Variants in ZC3H15 observed in about 807,000 individuals in gnomAD.
ZC3H15 encodes zinc finger CCCH domain-containing protein 15.
A neutral mutation model predicts 51.2 loss-of-function variants in ZC3H15; 15 were observed. The ratio of observed to expected loss-of-function variants is 0.29; its 90% CI spans 0.20 to 0.45. The LOEUF is 0.45. Among genes scored for constraint, ZC3H15 ranks in the 20% least tolerant of loss-of-function variants. ZC3H15 has a pLI of 1.00. For synonymous variants in ZC3H15, 144 were observed against 162.8 expected, an observed-to-expected ratio of 0.88 and a Z score of 0.88; for missense variants, 381 against 494.7, an observed-to-expected ratio of 0.77 and a Z score of 2.18.
chr2:186,496,330 G>A (rs575628499), intron 2 of ZC3H15, among the ~76,000 whole-genome samples: 10 of 152,124 alleles, frequency 6.6e-5, no homozygotes, highest in Non-Finnish European at 1.0e-4. Flanking sequence ...CCATCCACCT[G>A]CCTCATCCTC....
At chr2:186,505,676 T>A in intron 7 of ZC3H15, 64 bp from the exon 8 acceptor site, 2 of 1,604,944 alleles carry the variant, frequency 1.2e-6, no homozygotes, top group Non-Finnish European at 1.7e-6. Context: ...TTGTTTCTAT[T>A]TCATCAGTGA....
rs112632752 is a variant in ZC3H15 at position 186,486,293 on chromosome 2, C to T, written c.-90C>T. The T allele has an allele frequency of 0.053, 70,376 of 1,330,490 alleles. 2,144 individuals are homozygous for T. Among genetic ancestry groups the T allele is most frequent in the Non-Finnish European group, 0.061 (62,032 of 1,014,680 alleles). The allele number at this position is 1,330,490 out of a possible 1,614,324, so 82.4% of individuals were successfully genotyped here. A position where few individuals can be genotyped will look rare whatever the true frequency, so the allele number is the denominator to read the frequency against. On this transcript the variant is annotated 5_prime_UTR_variant, in exon 1 of 10. Coordinates refer to ENST00000337859, the MANE Select transcript of ZC3H15 (RefSeq NM_018471.3). Reference sequence around the variant, plus strand: ...TTCCGTGCGGTGCGGCGAGTGAGGCCCCGGTCTTCCTCCTCGTCCTGCCGC... The same window carrying T: ...TTCCGTGCGGTGCGGCGAGTGAGGCTCCGGTCTTCCTCCTCGTCCTGCCGC...
At chr2:186,507,611 T>C (rs1187352170) in intron 9 of ZC3H15, 2 of 357,732 alleles carry the variant, frequency 5.6e-6, no homozygotes, top group Non-Finnish European at 1.1e-5. Flanking sequence ...GTGCCTTGAG[T>C]TAGGTACTTG....
intron 3 of ZC3H15, 90 bp from the exon 4 acceptor site, chr2:186,501,181 TAA>T (rs1403055024): frequency 7.3e-7 from 1 of 1,371,434 alleles, no homozygotes; most frequent in South Asian, 2.0e-5. Flanking sequence ...GAATGGAAAA[TAA>T]GTTAACCAAA....
Position 186,508,974 on chromosome 2 carries a change from A to G in ZC3H15, c.*241A>G. 1.7e-6 allele frequency: 1 copy of G among 602,000 alleles called. No individual in the cohort carries two copies. Among genetic ancestry groups the G allele is most frequent in the Non-Finnish European group, 3.1e-6 (1 of 324,718 alleles). 37.3% of individuals were successfully genotyped at this position (602,000 alleles called of 1,614,324 possible). A position where few individuals can be genotyped will look rare whatever the true frequency, so the allele number is the denominator to read the frequency against. ...AATATAATGGTCATTGCAGAAAATGATTGATGTTGTAACTGTCCACCCAAG... is the reference window on the plus strand; with the variant it reads ...AATATAATGGTCATTGCAGAAAATGGTTGATGTTGTAACTGTCCACCCAAG... On this transcript the variant is annotated 3_prime_UTR_variant, in exon 10 of 10. Transcript: ENST00000337859.
At chr2:186,497,404 T>A (rs979163876) in intron 2 of ZC3H15, among the ~76,000 whole-genome samples, 1 of 152,116 alleles carries the variant, frequency 6.6e-6, no homozygotes, top group Non-Finnish European at 1.5e-5. Flanking sequence ...TTAATAAAAA[T>A]TAATGTTTAG....
intron 5 of ZC3H15, among the ~76,000 whole-genome samples, chr2:186,503,441 A>G (rs756076993): frequency 3.3e-5 from 5 of 152,158 alleles, no homozygotes; most frequent in Non-Finnish European, 7.4e-5. Flanking sequence ...CAGTGGCGCA[A>G]TCTTAGCTCA....
chr2:186,501,259 G>A lies in ZC3H15; in HGVS notation c.290-14G>A, dbSNP rs763533332. ...GCAGATTATAATACAAATACCATAT[G>A]CCATTTGACATAGGTGCAGATCCCA... On this transcript the variant is annotated splice_polypyrimidine_tract_variant and intron_variant, in intron 3 of 9. Coordinates refer to ENST00000337859, the MANE Select transcript of ZC3H15 (RefSeq NM_018471.3). 6.3e-7 allele frequency: 1 copy of A among 1,591,378 alleles called. No individual in the cohort carries two copies. The highest frequency in any genetic ancestry group is 1.2e-5 in the South Asian group (1 of 86,862).
chr2:186,508,164 CT>C (rs1374067099), intron 9 of ZC3H15, among the ~76,000 whole-genome samples: 2 of 152,030 alleles, frequency 1.3e-5, no homozygotes, highest in Non-Finnish European at 2.9e-5. Flanking sequence ...CAAGTAGCTG[CT>C]TATATTACAA....
At position 186,508,855 on chromosome 2, in the gene ZC3H15, A is replaced by G; in HGVS notation, c.*122A>G. The G allele has an allele frequency of 9.0e-7, 1 of 1,113,292 alleles. No individual in the cohort carries two copies. Among genetic ancestry groups the G allele is most frequent in the Non-Finnish European group, 1.3e-6 (1 of 786,588 alleles). The allele number at this position is 1,113,292 out of a possible 1,614,324, so 69.0% of individuals were successfully genotyped here. ...TCCTATGCTGATTCTGGAGGAGTTA[A>G]CCTCCTGCAAAAAAGGCATCTTGTC... On this transcript the variant is annotated 3_prime_UTR_variant, in exon 10 of 10. Transcript: ENST00000337859.
In ZC3H15 at chr2:186,509,306, T is replaced by G. The variant is rs1011613828; in HGVS notation, c.*573T>G. 5 of 155,140 alleles carry G rather than the reference T, an allele frequency of 3.2e-5. No homozygotes were observed. The highest frequency in any genetic ancestry group is 5.7e-5 in the Non-Finnish European group (4 of 69,580). The allele number at this position is 155,140 out of a possible 1,614,324, so 9.6% of individuals were successfully genotyped here. On this transcript the variant is annotated 3_prime_UTR_variant, in exon 10 of 10. Coordinates refer to ENST00000337859, the MANE Select transcript of ZC3H15 (RefSeq NM_018471.3). ...GTGTTAAATTGTTTAAAAGTTTCCC[T>G]TTTCTTTTTTGCCAATAAAGTTGTA...
chr2:186,503,311 G>A (rs1404679653), intron 5 of ZC3H15, among the ~76,000 whole-genome samples: 1 of 152,118 alleles, frequency 6.6e-6, no homozygotes, highest in African/African-American at 2.4e-5. Flanking sequence ...TTTGTACCTT[G>A]CTCCTGTATA....
At position 186,504,157 on chromosome 2, in the gene ZC3H15, TAAAA is replaced by T. The variant is rs983596641; in HGVS notation, c.662_665del (p.Lys221ArgfsTer11). 2 of 1,610,394 alleles carry T rather than the reference TAAAA, an allele frequency of 1.2e-6. No individual in the cohort carries two copies. Among genetic ancestry groups the T allele is most frequent in the Non-Finnish European group, 8.5e-7 (1 of 1,178,216 alleles). ...CTCCTGGATTTGTGTTGAAAAAAGA[TAAAA>T]AGAAAGAAGAGAAAGAAGATGAAAT... On this transcript the variant is annotated frameshift_variant, in exon 6 of 10. Coordinates refer to ENST00000337859, the MANE Select transcript of ZC3H15 (RefSeq NM_018471.3). LOFTEE classifies it high-confidence loss of function.
At chr2:186,494,692 C>T (rs1685253672) in intron 1 of ZC3H15, among the ~76,000 whole-genome samples, 1 of 152,030 alleles carries the variant, frequency 6.6e-6, no homozygotes, top group South Asian at 2.1e-4. Flanking sequence ...AAACTGGAAA[C>T]CATCATTCTT....
At position 186,509,156 on chromosome 2, in the gene ZC3H15, A is replaced by G; in HGVS notation, c.*423A>G. 2.4e-6 allele frequency: 1 copy of G among 421,982 alleles called. No homozygotes were observed. Among genetic ancestry groups the G allele is most frequent in the South Asian group, 1.7e-5 (1 of 57,322 alleles). 26.1% of individuals were successfully genotyped at this position (421,982 alleles called of 1,614,324 possible). A position where few individuals can be genotyped will look rare whatever the true frequency, so the allele number is the denominator to read the frequency against. On this transcript the variant is annotated 3_prime_UTR_variant, in exon 10 of 10. Coordinates refer to ENST00000337859, the MANE Select transcript of ZC3H15 (RefSeq NM_018471.3). ...TTTGTATGTTTAGAAGACTGCCTAAAACATGAGCACTGTACTTCATAAAGG... is the reference window on the plus strand; with the variant it reads ...TTTGTATGTTTAGAAGACTGCCTAAGACATGAGCACTGTACTTCATAAAGG...
intron 2 of ZC3H15, among the ~76,000 whole-genome samples, chr2:186,497,819 T>C (rs931339759): frequency 1.3e-5 from 2 of 152,182 alleles, no homozygotes; most frequent in Admixed American, 1.3e-4. Context: ...TTTAATACTA[T>C]ATTTTTGATA....
intron 1 of ZC3H15, among the ~76,000 whole-genome samples, chr2:186,491,685 A>G (rs1024121013): frequency 1.3e-5 from 2 of 152,190 alleles, no homozygotes; most frequent in African/African-American, 4.8e-5. Context: ...TGCTTGCACT[A>G]TACAGCCAGC....
intron 1 of ZC3H15, among the ~76,000 whole-genome samples, chr2:186,492,639 G>T (rs185631506): frequency 4.7e-4 from 71 of 152,178 alleles, no homozygotes; most frequent in Non-Finnish European, 6.3e-4. Flanking sequence ...TAAGACTATT[G>T]AAAGATCTTT....
At chr2:186,499,655 C>A (rs1013375757) in intron 2 of ZC3H15, 1 of 444,554 alleles carries the variant, frequency 2.2e-6, no homozygotes, top group Admixed American at 2.5e-5. Context: ...ATCCTCTAAT[C>A]ATATTAGGTA....
Sources: gnomAD v4.1 joint callset for allele counts (sites outside exome capture counted in the v4.1 genomes callset) on GRCh38, gnomAD v4.1.1 for gene constraint, MANE v1.5 for transcripts, NCBI Gene and HGNC (gene_info 2026-07-23, HGNC 2026-07-21) for gene names.